CDH6: variants seen among roughly 807,000 people sequenced by gnomAD.
CDH6 encodes the protein cadherin 6.
A neutral mutation model predicts 78.0 loss-of-function variants in CDH6; 31 were observed. That is an observed-to-expected ratio of 0.40 (90% CI 0.30 to 0.54). CDH6 has a LOEUF of 0.54. Ranked by LOEUF, CDH6 falls within the 20% of genes least tolerant of loss-of-function variation. CDH6 has a pLI of 0.56. For missense variants in CDH6, 724 were observed against 975.9 expected (o/e 0.74, Z 3.44); for synonymous variants, 376 against 368.8 (o/e 1.02, Z -0.23).
At chr5:31,207,235 A>T (rs1740552707) in intron 1 of CDH6, among the ~76,000 whole-genome samples, 1 of 152,204 alleles carries the variant, frequency 6.6e-6, no homozygotes, top group African/African-American at 2.4e-5. Flanking sequence ...AAAAGCTGCT[A>T]TTTTAGAAAG....
chr5:31,298,938 A>C (rs1174497311), intron 4 of CDH6, among the ~76,000 whole-genome samples: 1 of 152,152 alleles, frequency 6.6e-6, no homozygotes, highest in East Asian at 1.9e-4. Flanking sequence ...ATAGTTTTAC[A>C]ATTTAGAAAA....
At chr5:31,243,458 T>C (rs1741659055) in intron 1 of CDH6, among the ~76,000 whole-genome samples, 1 of 152,200 alleles carries the variant, frequency 6.6e-6, no homozygotes, top group African/African-American at 2.4e-5. Flanking sequence ...TTTCTGAAGA[T>C]TTTAGTGAAA....
intron 2 of CDH6, among the ~76,000 whole-genome samples, chr5:31,268,897 A>C (rs1219368744): frequency 6.6e-6 from 1 of 152,202 alleles, no homozygotes; most frequent in African/African-American, 2.4e-5. Flanking sequence ...TGAATTATTA[A>C]TGTAGAATAA....
chr5:31,317,287 T>C, intron 9 of CDH6, 88 bp from the exon 10 acceptor site: 1 of 704,944 alleles, frequency 1.4e-6, no homozygotes, highest in Non-Finnish European at 2.5e-6. Flanking sequence ...AATTTTTAAA[T>C]CATTTTGTCA....
Position 31,299,555 on chromosome 5 carries a change from G to A in CDH6, c.735G>A (p.Met245Ile). 1 of 1,613,618 alleles carries A rather than the reference G, an allele frequency of 6.2e-7. No homozygotes were observed. Residue 245 changes from methionine to isoleucine, a missense_variant, in exon 5 of 12, where the codon ATG becomes ATA. Physicochemically the swap from Met to Ile is conservative, Grantham distance 10. Transcript: ENST00000265071. ...VIQAKDMGGQ[M>I]GGLSGTTTVN... ...AAGCCAAGGATATGGGCGGCCAGAT[G>A]GGAGGATTATCTGGGACCACCACCG...
At chr5:31,259,157 G>A (rs1742141959) in intron 1 of CDH6, among the ~76,000 whole-genome samples, 1 of 152,094 alleles carries the variant, frequency 6.6e-6, no homozygotes, top group African/African-American at 2.4e-5. Flanking sequence ...TATTATTTAT[G>A]AATTAGACAT....
At chr5:31,197,315 C>G (rs1740196920) in intron 1 of CDH6, among the ~76,000 whole-genome samples, 1 of 152,194 alleles carries the variant, frequency 6.6e-6, no homozygotes. Context: ...AAAATCTGTT[C>G]TAAAGTTTGA....
chr5:31,304,132 T>G (rs890998210), intron 6 of CDH6, among the ~76,000 whole-genome samples: 1 of 151,948 alleles, frequency 6.6e-6, no homozygotes, highest in Non-Finnish European at 1.5e-5. Context: ...AATGCCCTTT[T>G]CAGGATACCA....
chr5:31,306,570 G>C (rs1737997299), intron 7 of CDH6, among the ~76,000 whole-genome samples: 2 of 152,166 alleles, frequency 1.3e-5, no homozygotes, highest in South Asian at 4.1e-4. Context: ...AGGAGTTCAA[G>C]AAAAGTGCTA....
At chr5:31,270,694 A>G (rs1742507044) in intron 2 of CDH6, among the ~76,000 whole-genome samples, 1 of 151,276 alleles carries the variant, frequency 6.6e-6, no homozygotes, top group Non-Finnish European at 1.5e-5. Context: ...TTTTTATTTT[A>G]TTTATTTTTT....
chr5:31,219,323 G>C (rs1231132501), intron 1 of CDH6, among the ~76,000 whole-genome samples: 1 of 152,098 alleles, frequency 6.6e-6, no homozygotes, highest in East Asian at 1.9e-4. Flanking sequence ...AGGTAGGTAG[G>C]TAGAGAGAGA....
In CDH6 at chr5:31,305,398, A is replaced by C. The variant is rs1303503328; in HGVS notation, c.1224A>C (p.Gln408His). Residue 408 changes from glutamine to histidine, a missense_variant, in exon 7 of 12, where the codon CAA becomes CAC. Transcript: ENST00000265071. ...INTTIGSVTAQDPDAARNPVK... is the reference protein window; with the variant it reads ...INTTIGSVTAHDPDAARNPVK... The stretch of plus-strand genomic sequence containing the variant: ...CCACAATAGGCTCCGTCACAGCCCA[A>C]GATCCAGATGCTGCCAGGAATCCTG... 1.2e-6 allele frequency: 2 copies of C among 1,614,048 alleles called. No homozygotes were observed. The highest frequency in any genetic ancestry group is 4.5e-5 in the East Asian group (2 of 44,880).
At chr5:31,206,792 A>G (rs1740534691) in intron 1 of CDH6, among the ~76,000 whole-genome samples, 1 of 152,210 alleles carries the variant, frequency 6.6e-6, no homozygotes, top group South Asian at 2.1e-4. Flanking sequence ...TTAATACAGA[A>G]ATTAGCTTTG....
intron 2 of CDH6, among the ~76,000 whole-genome samples, chr5:31,283,995 G>A (rs776795503): frequency 2.2e-4 from 33 of 151,870 alleles, no homozygotes; most frequent in Non-Finnish European, 3.8e-4. Context: ...TTGTGTTTTG[G>A]GTAGAGACAG....
rs181303764 is a variant in CDH6, at chr5:31,295,239, G to A, written c.523+983G>A. 9.8e-5 allele frequency among the ~76,000 whole-genome samples: 15 copies of A among 152,308 alleles called. No individual in the cohort carries two copies. In the East Asian group the frequency reaches 2.9e-3, roughly 29 times the overall value. On this transcript the variant is annotated intron_variant, in intron 3 of 11. Transcript: ENST00000265071. ...AATTGCAAGCCTCACAAAGCAAAGA[G>A]GGAGATGACTGGAATTTTGTTTTTT...
At chr5:31,253,441 C>T (rs1216164324) in intron 1 of CDH6, among the ~76,000 whole-genome samples, 1 of 152,158 alleles carries the variant, frequency 6.6e-6, no homozygotes, top group Non-Finnish European at 1.5e-5. Context: ...TGAGGCCTCC[C>T]CAGCCCTGCT....
At chr5:31,289,454 T>C (rs1397927603) in intron 2 of CDH6, among the ~76,000 whole-genome samples, 1 of 152,226 alleles carries the variant, frequency 6.6e-6, no homozygotes, top group Non-Finnish European at 1.5e-5. Flanking sequence ...GTCATTCTGA[T>C]AGAATGATTT....
At position 31,324,217 on chromosome 5, in the gene CDH6, T is replaced by G. The variant is rs1738559075; in HGVS notation, c.*909T>G. 4.7e-6 allele frequency: 1 copy of G among 214,950 alleles called. No individual in the cohort carries two copies. The highest frequency in any genetic ancestry group is 9.4e-6 in the Non-Finnish European group (1 of 106,518). 13.3% of individuals were successfully genotyped at this position (214,950 alleles called of 1,614,324 possible). A position where few individuals can be genotyped will look rare whatever the true frequency, so the allele number is the denominator to read the frequency against. On this transcript the variant is annotated 3_prime_UTR_variant, in exon 12 of 12. Transcript: ENST00000265071. ...GAGACAAATTTTAACTTCTTGTCTA[T>G]AGTTGTCAGTATTATTCTACTATAC...
chr5:31,305,093 A>G, intron 6 of CDH6, 81 bp from the exon 7 acceptor site: 1 of 1,430,002 alleles, frequency 7.0e-7, no homozygotes, highest in Non-Finnish European at 9.5e-7. Flanking sequence ...AGTGGTTTAC[A>G]CCAAAAATGT....
Sources: gnomAD v4.1 joint callset for allele counts (sites outside exome capture counted in the v4.1 genomes callset) on GRCh38, gnomAD v4.1.1 for gene constraint, MANE v1.5 for transcripts, NCBI Gene and HGNC (gene_info 2026-07-23, HGNC 2026-07-21) for gene names.